CDH4: variants seen among roughly 807,000 people sequenced by gnomAD.
The protein encoded by CDH4 is cadherin 4.
CDH4 carries 33 observed loss-of-function variants against 86.0 expected under a neutral mutation model. The ratio of observed to expected loss-of-function variants is 0.38; its 90% CI spans 0.29 to 0.51. The LOEUF (loss-of-function observed/expected upper bound fraction) is 0.51, where lower values mean the gene tolerates loss of function less well. Ranked by LOEUF, CDH4 falls within the 20% of genes least tolerant of loss-of-function variation. CDH4 has a pLI of 0.86. For missense variants in CDH4, 1,114 were observed against 1,307.4 expected, an observed-to-expected ratio of 0.85 and a Z score of 2.28; for synonymous variants, 555 against 549.4, an observed-to-expected ratio of 1.01 and a Z score of -0.14.
At chr20:61,456,862 A>C (rs922025225) in intron 2 of CDH4, among the ~76,000 whole-genome samples, 1 of 152,214 alleles carries the variant, frequency 6.6e-6, no homozygotes, top group Non-Finnish European at 1.5e-5. Context: ...AAAGCTTCTG[A>C]GAATAATAGG....
intron 6 of CDH4, among the ~76,000 whole-genome samples, chr20:61,863,659 G>T (rs955562807): frequency 1.3e-5 from 2 of 152,176 alleles, no homozygotes; most frequent in African/African-American, 4.8e-5. Context: ...GGGGATCCAG[G>T]TTCCCACTTC....
At chr20:61,318,970 G>A (rs1415435486) in intron 2 of CDH4, among the ~76,000 whole-genome samples, 1 of 152,194 alleles carries the variant, frequency 6.6e-6, no homozygotes, top group Admixed American at 6.5e-5. Context: ...CCATGGTGGG[G>A]CACCACACAC....
At chr20:61,355,272 T>C (rs548248084) in intron 2 of CDH4, among the ~76,000 whole-genome samples, 1 of 152,246 alleles carries the variant, frequency 6.6e-6, no homozygotes, top group East Asian at 1.9e-4. Flanking sequence ...TCAGAAAGGC[T>C]GGAGCAGGAA....
At chr20:61,506,364 C>T (rs1381524001) in intron 2 of CDH4, among the ~76,000 whole-genome samples, 1 of 152,212 alleles carries the variant, frequency 6.6e-6, no homozygotes, top group Non-Finnish European at 1.5e-5. Context: ...AGTTTGGTTG[C>T]ATAATTCTTC....
At chr20:61,570,651 G>A in intron 2 of CDH4, 1 of 702,378 alleles carries the variant, frequency 1.4e-6, no homozygotes, top group Non-Finnish European at 2.6e-6. Context: ...TTTTCACAAT[G>A]GTATTGGGCT....
intron 3 of CDH4, among the ~76,000 whole-genome samples, chr20:61,766,519 T>C (rs2088700108): frequency 1.3e-5 from 2 of 152,186 alleles, no homozygotes; most frequent in Admixed American, 6.5e-5. Context: ...TGTCTGTCAA[T>C]GCTCCCTAGA....
At chr20:61,280,042 C>T (rs1024147541) in intron 2 of CDH4, among the ~76,000 whole-genome samples, 10 of 152,086 alleles carry the variant, frequency 6.6e-5, no homozygotes, top group Non-Finnish European at 1.5e-4. Context: ...GTGGGGCAGG[C>T]GGGAATGGCT....
chr20:61,932,980 C>A lies in CDH4; in HGVS notation c.2240-5C>A. On this transcript the variant is annotated splice_region_variant and splice_polypyrimidine_tract_variant and intron_variant, in intron 13 of 15. Coordinates refer to ENST00000614565, the MANE Select transcript of CDH4 (RefSeq NM_001794.5). ...ACCCTGCTCACGGGCAGCCCTCCCCCACAGCCATGGTCCTGCTGTTTGTCA... is the reference window on the plus strand; with the variant it reads ...ACCCTGCTCACGGGCAGCCCTCCCCAACAGCCATGGTCCTGCTGTTTGTCA... 1.2e-6 allele frequency: 2 copies of A among 1,610,752 alleles called. No homozygotes were observed. Among genetic ancestry groups the A allele is most frequent in the African/African-American group, 1.3e-5 (1 of 75,042 alleles).
chr20:61,730,382 T>G lies in CDH4; in HGVS notation c.170-13181T>G, dbSNP rs373425560. 1.0e-3 allele frequency among the ~76,000 whole-genome samples: 157 copies of G among 152,324 alleles called. 8 individuals are homozygous for G. In the South Asian group the frequency reaches 0.032, roughly 31 times the overall value. On this transcript the variant is annotated intron_variant, in intron 2 of 15. Transcript: ENST00000614565. The stretch of plus-strand genomic sequence containing the variant: ...CTCTGTGGCTTTGCCATTTTCAGAA[T>G]GTCATGGAGTTGGAATCCTACGGGT...
At chr20:61,899,356 T>C (rs902287627) in intron 8 of CDH4, among the ~76,000 whole-genome samples, 2 of 152,030 alleles carry the variant, frequency 1.3e-5, no homozygotes, top group African/African-American at 4.8e-5. Context: ...TGATAAGACA[T>C]ATTTTGTTTT....
chr20:61,857,231 G>C (rs768849988), intron 6 of CDH4, among the ~76,000 whole-genome samples: 2 of 152,256 alleles, frequency 1.3e-5, no homozygotes, highest in Non-Finnish European at 2.9e-5. Context: ...GGTGGGCGGC[G>C]CGTGTGCGTT....
chr20:61,887,206 A>G (rs1212743960), intron 7 of CDH4, among the ~76,000 whole-genome samples: 1 of 151,188 alleles, frequency 6.6e-6, no homozygotes, highest in Non-Finnish European at 1.5e-5. Flanking sequence ...CAGGGGAGCC[A>G]GGCCAACCCT....
intron 2 of CDH4, among the ~76,000 whole-genome samples, chr20:61,456,767 C>T (rs2085409102): frequency 6.6e-6 from 1 of 152,078 alleles, no homozygotes; most frequent in Non-Finnish European, 1.5e-5. Context: ...GTCTTTAGAG[C>T]AGAAAGTGTG....
intron 2 of CDH4, among the ~76,000 whole-genome samples, chr20:61,591,666 T>C (rs2086520203): frequency 6.6e-6 from 1 of 152,246 alleles, no homozygotes; most frequent in Non-Finnish European, 1.5e-5. Flanking sequence ...GCTGAAGTCG[T>C]GTCATTGAAC....
Position 61,852,771 on chromosome 20 carries a change from G to A in CDH4, c.750G>A (p.Val250=). ...HASYHLRAHA[V]DMNGNKVENP... ...TTTTCCAGCTCCGAGCCCACGCTGT[G>A]GACATGAATGGCAACAAGGTGGAGA... The change falls in exon 6 of 16, where the codon GTG becomes GTA. Residue 250 remains valine (V), a synonymous_variant. Coordinates refer to ENST00000614565, the MANE Select transcript of CDH4 (RefSeq NM_001794.5). 1.9e-6 allele frequency: 3 copies of A among 1,613,316 alleles called. No individual in the cohort carries two copies. The highest frequency in any genetic ancestry group is 2.5e-6 in the Non-Finnish European group (3 of 1,179,566).
At chr20:61,291,638 G>A (rs555318525) in intron 2 of CDH4, among the ~76,000 whole-genome samples, 1 of 152,334 alleles carries the variant, frequency 6.6e-6, no homozygotes, top group Admixed American at 6.5e-5. Context: ...GTGCCACAAG[G>A]CCAAACATGC....
chr20:61,935,378 C>T (rs1214004188), intron 15 of CDH4, among the ~76,000 whole-genome samples: 1 of 152,242 alleles, frequency 6.6e-6, no homozygotes, highest in East Asian at 1.9e-4. Flanking sequence ...GCTGCTCTGA[C>T]AACATGACGC....
intron 2 of CDH4, among the ~76,000 whole-genome samples, chr20:61,290,738 C>A (rs77387594): frequency 1.3e-5 from 2 of 152,146 alleles, no homozygotes; most frequent in African/African-American, 4.8e-5. Flanking sequence ...CAGCCACCCA[C>A]AGTGGGCTGT....
chr20:61,722,014 C>T (rs2088047832), intron 2 of CDH4, among the ~76,000 whole-genome samples: 1 of 152,152 alleles, frequency 6.6e-6, no homozygotes, highest in Non-Finnish European at 1.5e-5. Flanking sequence ...CTCACAACCT[C>T]CACCTTCAGG....
Sources: gnomAD v4.1 joint callset for allele counts (sites outside exome capture counted in the v4.1 genomes callset) on GRCh38, gnomAD v4.1.1 for gene constraint, MANE v1.5 for transcripts, NCBI Gene and HGNC (gene_info 2026-07-23, HGNC 2026-07-21) for gene names.